The following PLCB1 variants were observed in gnomAD, a reference collection of about 807,000 sequenced individuals.
PLCB1 encodes the protein phospholipase C beta 1.
A neutral mutation model predicts 161.8 loss-of-function variants in PLCB1; 46 were observed. The observed-to-expected ratio is 0.28, with a 90% CI of 0.22 to 0.36. The LOEUF (loss-of-function observed/expected upper bound fraction) is 0.36. PLCB1 is among the 10% of genes least tolerant of loss of function. The probability of loss-of-function intolerance (pLI) is 1.00; values close to 1 mark genes in which losing one functional copy is unlikely to be tolerated. For synonymous variants in PLCB1, 517 were observed against 503.7 expected (o/e 1.03, Z -0.35); for missense variants, 1,016 against 1,472.5 (o/e 0.69, Z 5.07).
intron 9 of PLCB1, 131 bp downstream of exon 9, chr20:8,658,835 A>G (rs1360476530): frequency 2.0e-5 from 14 of 717,748 alleles, no homozygotes; most frequent in Non-Finnish European, 3.1e-5. Context: ...TTCGGTCTGA[A>G]ATCACTTGGT....
chr20:8,501,339 T>G (rs1011948660), intron 3 of PLCB1, among the ~76,000 whole-genome samples: 5 of 152,262 alleles, frequency 3.3e-5, no homozygotes, highest in Non-Finnish European at 5.9e-5. Context: ...AGTAGACTGC[T>G]CTTCCCCAGG....
intron 1 of PLCB1, among the ~76,000 whole-genome samples, chr20:8,141,273 T>G (rs1451299893): frequency 3.4e-4 from 52 of 152,082 alleles, no homozygotes; most frequent in Admixed American, 3.4e-3. Context: ...TACAGTCCGT[T>G]TTTGTCTACA....
At chr20:8,551,910 A>G (rs551598197) in intron 3 of PLCB1, among the ~76,000 whole-genome samples, 13 of 152,336 alleles carry the variant, frequency 8.5e-5, no homozygotes, top group African/African-American at 3.1e-4. Flanking sequence ...GTCTGCTTCA[A>G]GGAGAAATGC....
chr20:8,795,616 C>G (rs142388905), intron 31 of PLCB1, among the ~76,000 whole-genome samples: 350 of 152,286 alleles, frequency 2.3e-3, no homozygotes, highest in African/African-American at 8.0e-3. Flanking sequence ...TAAACACTGG[C>G]CAGTCTTCTG....
chr20:8,733,779 T>A (rs1470552693), intron 19 of PLCB1, among the ~76,000 whole-genome samples: 5 of 110,248 alleles, frequency 4.5e-5, no homozygotes, highest in African/African-American at 1.9e-4. Flanking sequence ...CCCTAAAACT[T>A]AAAGTATAAT....
chr20:8,528,569 A>G lies in PLCB1; in HGVS notation c.247-99725A>G, dbSNP rs1390992465. Among the ~76,000 whole-genome samples, 10 of 152,158 alleles carry G rather than the reference A, an allele frequency of 6.6e-5. No individual in the cohort carries two copies. In the East Asian group the frequency reaches 1.7e-3, roughly 26 times the overall value. ...AACTGGCTTGTGATGAAGATACTCT[A>G]TCTTCTTTGGCAGGATCTACAGCAG... On this transcript the variant is annotated intron_variant, in intron 3 of 31. Transcript: ENST00000338037.
At chr20:8,715,629 A>G (rs922185819) in intron 12 of PLCB1, among the ~76,000 whole-genome samples, 7 of 152,160 alleles carry the variant, frequency 4.6e-5, no homozygotes, top group African/African-American at 1.7e-4. Flanking sequence ...TGTTATGTAT[A>G]TATGAGTTGC....
At chr20:8,535,732 A>G (rs1042617326) in intron 3 of PLCB1, among the ~76,000 whole-genome samples, 3 of 152,184 alleles carry the variant, frequency 2.0e-5, no homozygotes, top group African/African-American at 7.2e-5. Flanking sequence ...TTTAAAGCTC[A>G]TATTATAAAG....
chr20:8,382,106 C>T (rs1987272261), intron 3 of PLCB1, among the ~76,000 whole-genome samples: 1 of 152,042 alleles, frequency 6.6e-6, no homozygotes, highest in Non-Finnish European at 1.5e-5. Context: ...ATAAAGTTCC[C>T]TCTTAACACT....
intron 25 of PLCB1, among the ~76,000 whole-genome samples, chr20:8,764,122 A>G (rs934690734): frequency 7.2e-5 from 11 of 152,074 alleles, no homozygotes; most frequent in Non-Finnish European, 7.4e-5. Context: ...AGCTGAGATC[A>G]CGCCACTGCA....
intron 3 of PLCB1, among the ~76,000 whole-genome samples, chr20:8,487,277 G>A (rs1435899414): frequency 5.3e-5 from 8 of 152,140 alleles, no homozygotes. Flanking sequence ...ATAGTTTTGT[G>A]ACTAAATCCT....
chr20:8,526,210 A>G (rs1339688073), intron 3 of PLCB1, among the ~76,000 whole-genome samples: 1 of 152,126 alleles, frequency 6.6e-6, no homozygotes, highest in Non-Finnish European at 1.5e-5. Flanking sequence ...AGGAATTTAT[A>G]TTTAAAAAAA....
intron 11 of PLCB1, among the ~76,000 whole-genome samples, chr20:8,707,981 T>G (rs2144126): frequency 0.79 from 120,578 of 152,056 alleles, 48,256 homozygotes; most frequent in African/African-American, 0.89. Context: ...AATCTATGAA[T>G]ACATAAAGTG....
At chr20:8,499,195 A>G (rs1248602563) in intron 3 of PLCB1, among the ~76,000 whole-genome samples, 1 of 152,266 alleles carries the variant, frequency 6.6e-6, no homozygotes, top group African/African-American at 2.4e-5. Context: ...AGCAAGGAAT[A>G]ACTATAATAG....
chr20:8,172,598 T>C (rs545931916), intron 2 of PLCB1, among the ~76,000 whole-genome samples: 68 of 152,322 alleles, frequency 4.5e-4, no homozygotes, highest in African/African-American at 1.6e-3. Context: ...AATTCAAAGA[T>C]GTTATAAAGT....
intron 2 of PLCB1, among the ~76,000 whole-genome samples, chr20:8,267,069 T>C (rs1176803542): frequency 1.3e-5 from 2 of 148,906 alleles, no homozygotes; most frequent in South Asian, 2.1e-4. Context: ...AAAGAATGGG[T>C]ACATCTGGGA....
intron 2 of PLCB1, among the ~76,000 whole-genome samples, chr20:8,364,410 T>C (rs1002858424): frequency 6.6e-6 from 1 of 152,186 alleles, no homozygotes; most frequent in African/African-American, 2.4e-5. Flanking sequence ...ACCCACTTTT[T>C]CCCCAATTTA....
rs80352386 is a variant in PLCB1, at chr20:8,265,586, C to T, written c.178-105796C>T. 3.7e-3 allele frequency among the ~76,000 whole-genome samples: 558 copies of T among 152,222 alleles called. 4 individuals carry two copies. Among genetic ancestry groups the T allele is most frequent in the African/African-American group, 0.013 (521 of 41,542 alleles). ...TACTATTATGGGTAGCTAACTGCAT[C>T]TCAAATTTATATCTTAATGTGTTCT... On this transcript the variant is annotated intron_variant, in intron 2 of 31. Coordinates refer to ENST00000338037, the MANE Select transcript of PLCB1 (RefSeq NM_015192.4).
intron 2 of PLCB1, among the ~76,000 whole-genome samples, chr20:8,317,753 C>A (rs1984725043): frequency 6.6e-6 from 1 of 152,052 alleles, no homozygotes; most frequent in Non-Finnish European, 1.5e-5. Flanking sequence ...TAATCATTAT[C>A]CTTATTTCCA....
Sources: gnomAD v4.1 joint callset for allele counts (sites outside exome capture counted in the v4.1 genomes callset) on GRCh38, gnomAD v4.1.1 for gene constraint, MANE v1.5 for transcripts, NCBI Gene and HGNC (gene_info 2026-07-23, HGNC 2026-07-21) for gene names.